The following CYP2W1 variants were observed in gnomAD, a reference collection of about 807,000 sequenced individuals.
The protein encoded by CYP2W1 is cytochrome P450 2W1.
Under a neutral mutation model 44.9 loss-of-function variants are expected in CYP2W1, and 51 were observed. The ratio of observed to expected loss-of-function variants is 1.14; its 90% confidence interval spans 0.91 to 1.43. The LOEUF is 1.43. Among genes scored for constraint, CYP2W1 ranks in the 40% most tolerant of loss-of-function variants. CYP2W1 has a pLI of 0.00. For missense variants in CYP2W1, 746 were observed against 700.0 expected (o/e 1.07, Z -0.74); for synonymous variants, 383 against 338.3 (o/e 1.13, Z -1.45).
rs541577197 is a variant in CYP2W1, at chr7:985,383, A to G, written c.645+60A>G. The G allele has an allele frequency of 4.5e-4, 690 of 1,520,842 alleles. 4 individuals are homozygous for G. In the African/African-American group the frequency reaches 8.6e-3, roughly 19 times the overall value. 94.2% of individuals were successfully genotyped at this position (1,520,842 alleles called of 1,614,324 possible). A position where few individuals can be genotyped will look rare whatever the true frequency, so the allele number is the denominator to read the frequency against. ...GAGCCTGGAGTGATGGGCGTGCAGC[A>G]GGAGGACGGGGGCCCCAGTGCTGTC... On this transcript the variant is annotated intron_variant, in intron 4 of 8. Transcript: ENST00000308919.
At chr7:984,218 C>G (rs1313544193) in intron 1 of CYP2W1, among the ~76,000 whole-genome samples, 194 bp from the exon 2 acceptor site, 1 of 152,218 alleles carries the variant, frequency 6.6e-6, no homozygotes, top group Non-Finnish European at 1.5e-5. Flanking sequence ...GGCGAGAGGG[C>G]TCTGTGGGCT....
At chr7:987,801 C>T (rs1049713944) in intron 7 of CYP2W1, among the ~76,000 whole-genome samples, 4 of 151,718 alleles carry the variant, frequency 2.6e-5, no homozygotes, top group African/African-American at 4.8e-5. Context: ...GTCCATGTGT[C>T]CTAGGCGATC....
Position 988,677 on chromosome 7 carries a change from T to G in CYP2W1, c.1328T>G (p.Leu443Arg). 6.2e-7 allele frequency: 1 copy of G among 1,600,246 alleles called. No homozygotes were observed. ...GGGGAGCGCCTGGCCAGGACCGAGC[T>G]CTTCCTGCTGTTTGCCGGCCTCCTG... is the stretch of plus-strand genomic sequence containing the variant. ...CVGERLARTE[L>R]FLLFAGLLQR... is the part of the protein sequence containing the mutation. The change falls in exon 9 of 9, where the codon CTC becomes CGC. Residue 443 changes from leucine (L) to arginine (R), a missense_variant. Coordinates refer to ENST00000308919, the MANE Select transcript of CYP2W1 (RefSeq NM_017781.3).
At chr7:987,030 C>T in intron 5 of CYP2W1, 77 bp from the exon 6 acceptor site, 1 of 1,426,216 alleles carries the variant, frequency 7.0e-7, no homozygotes, top group South Asian at 1.5e-5. Flanking sequence ...CATAGTGGAG[C>T]CCAGGGCTGG....
chr7:985,132 G>A (rs1221541358), intron 3 of CYP2W1, 33 bp downstream of exon 3: 2 of 1,601,938 alleles, frequency 1.2e-6, no homozygotes, highest in African/African-American at 1.3e-5. Context: ...CCCTCCCCGG[G>A]CCTGGACGTG....
In CYP2W1 at chr7:986,601, C is replaced by T. The variant is rs139494522; in HGVS notation, c.646-23C>T. The T allele has an allele frequency of 2.8e-4, 444 of 1,611,764 alleles. 3 individuals carry two copies. In the African/African-American group the frequency reaches 5.2e-3, roughly 19 times the overall value. ...AGCCCTGGGGCTGCGTCCTTATCTC[C>T]GCTCCTCCTGCCTCCTGCCCAGCTG... On this transcript the variant is annotated intron_variant, in intron 4 of 8. Coordinates refer to ENST00000308919, the MANE Select transcript of CYP2W1 (RefSeq NM_017781.3).
In CYP2W1 at chr7:988,823, G is replaced by A; in HGVS notation, c.*1G>A. The A allele has an allele frequency of 6.5e-7, 1 of 1,546,706 alleles. No individual in the cohort carries two copies. The highest frequency in any genetic ancestry group is 8.7e-7 in the Non-Finnish European group (1 of 1,147,098). On this transcript the variant is annotated 3_prime_UTR_variant, in exon 9 of 9. Transcript: ENST00000308919. ...CCTGTGTGCGGTGCCCAGGCCCTAGGAGCTCCCCCAGCCCCCAGGTCCTCC... is the reference window on the plus strand; with the variant it reads ...CCTGTGTGCGGTGCCCAGGCCCTAGAAGCTCCCCCAGCCCCCAGGTCCTCC...
intron 4 of CYP2W1, 35 bp from the exon 5 acceptor site, chr7:986,589 C>T (rs528836318): frequency 6.2e-6 from 10 of 1,609,052 alleles, no homozygotes; most frequent in Admixed American, 1.7e-5. Context: ...CCTGGGGCTG[C>T]GTCCTTATCT....
Position 984,421 on chromosome 7 carries a change from C to CCG in CYP2W1, c.184_185insCG (p.Arg62ProfsTer19). ...CCGCCATCCCTGCCAGCTCTCAGAACGCTACGGGCCGGTGTTCACCGTGCA... is the reference window on the plus strand; with the variant it reads ...CCGCCATCCCTGCCAGCTCTCAGAACCGGCTACGGGCCGGTGTTCACCGTGCA... On this transcript the variant is annotated frameshift_variant, in exon 2 of 9. Transcript: ENST00000308919. LOFTEE classifies it high-confidence loss of function. The CCG allele has an allele frequency of 6.5e-7, 1 of 1,547,900 alleles. No individual in the cohort carries two copies. Among genetic ancestry groups the CCG allele is most frequent in the Non-Finnish European group, 8.7e-7 (1 of 1,146,786 alleles).
chr7:985,646 C>T (rs929179442), intron 4 of CYP2W1, among the ~76,000 whole-genome samples: 12 of 152,304 alleles, frequency 7.9e-5, no homozygotes, highest in African/African-American at 2.6e-4. Flanking sequence ...TGTCTGCCCC[C>T]CAAGCCCTGA....
At chr7:988,447 C>T (rs749979355) in intron 8 of CYP2W1, 29 bp downstream of exon 8, 49 of 1,611,160 alleles carry the variant, frequency 3.0e-5, no homozygotes, top group East Asian at 4.5e-5. Context: ...CGGGGTGGGG[C>T]GGCACCTCCA....
At position 988,355 on chromosome 7, in the gene CYP2W1, G is replaced by A. The variant is rs374675851; in HGVS notation, c.1222G>A (p.Gly408Ser). 9 of 1,612,552 alleles carry A rather than the reference G, an allele frequency of 5.6e-6. No individual in the cohort carries two copies. The highest frequency in any genetic ancestry group is 5.5e-5 in the South Asian group (5 of 91,090). ...GCAGACCCCAGGCCAGTTCAACCCC[G>A]GCCATTTCCTGGACGCGAATGGGCA... The part of the protein sequence containing the change: ...QWQTPGQFNP[G>S]HFLDANGHFV... Residue 408 changes from glycine to serine, a missense_variant, in exon 8 of 9, where the codon GGC (glycine) becomes AGC (serine). Coordinates refer to ENST00000308919, the MANE Select transcript of CYP2W1 (RefSeq NM_017781.3).
chr7:985,463 T>G lies in CYP2W1; in HGVS notation c.645+140T>G, dbSNP rs1037902863. The G allele has an allele frequency of 1.0e-5, 10 of 1,000,954 alleles. 1 individual carries two copies. In the South Asian group the frequency reaches 1.3e-4, roughly 13 times the overall value. The allele number at this position is 1,000,954 out of a possible 1,614,324, so 62.0% of individuals were successfully genotyped here. A position where few individuals can be genotyped will look rare whatever the true frequency, so the allele number is the denominator to read the frequency against. ...GCAAAAGGAATCAGATGCAAGGGCC[T>G]GAATCAGGACCCATCCGACGTTAGC... On this transcript the variant is annotated intron_variant, in intron 4 of 8. Transcript: ENST00000308919.
At chr7:984,280 A>G (rs1848149570) in intron 1 of CYP2W1, 132 bp from the exon 2 acceptor site, 1 of 1,214,452 alleles carries the variant, frequency 8.2e-7, no homozygotes, top group Non-Finnish European at 1.1e-6. Flanking sequence ...TATGGCATCT[A>G]GGCGTGCCCC....
chr7:988,638 G>T lies in CYP2W1; in HGVS notation c.1289G>T (p.Arg430Leu). The T allele has an allele frequency of 6.2e-7, 1 of 1,602,206 alleles. No individual in the cohort carries two copies. ...REAFLPFSAGRRVCVGERLAR... is the reference protein window; with the variant it reads ...REAFLPFSAGLRVCVGERLAR... ...TGTGCCTGGACATCCCCCGCAGGCCGCCGCGTCTGTGTTGGGGAGCGCCTG... is the reference window on the plus strand; with the variant it reads ...TGTGCCTGGACATCCCCCGCAGGCCTCCGCGTCTGTGTTGGGGAGCGCCTG... The change falls in exon 9 of 9, where the codon CGC becomes CTC. Residue 430 changes from arginine (R) to leucine (L), a missense_variant. By Grantham distance (102) the Arg-to-Leu change is moderately radical. Coordinates refer to ENST00000308919, the MANE Select transcript of CYP2W1 (RefSeq NM_017781.3).
At chr7:988,092 G>A (rs1431854376) in intron 7 of CYP2W1, among the ~76,000 whole-genome samples, 185 bp from the exon 8 acceptor site, 1 of 151,896 alleles carries the variant, frequency 6.6e-6, no homozygotes, top group African/African-American at 2.4e-5. Context: ...CTATCCTTGG[G>A]GCCCCTGGCT....
chr7:986,998 GAGCCCAGATCACCGGGGCA>G, intron 5 of CYP2W1, 90 bp from the exon 6 acceptor site: 1 of 1,387,798 alleles, frequency 7.2e-7, no homozygotes, highest in African/African-American at 1.5e-5. Context: ...AGGGATGGCT[GAGCCCAGATCACCGGGGCA>G]TCCATAGTGG....
intron 4 of CYP2W1, among the ~76,000 whole-genome samples, chr7:985,557 C>T (rs766554359): frequency 2.6e-5 from 4 of 152,226 alleles, no homozygotes; most frequent in Non-Finnish European, 4.4e-5. Context: ...CCCCCACGCC[C>T]TCATCAGTAA....
Position 986,649 on chromosome 7 carries a change from G to C in CYP2W1, c.671G>C (p.Gly224Ala). The C allele has an allele frequency of 1.2e-6, 2 of 1,612,676 alleles. No homozygotes were observed. The highest frequency in any genetic ancestry group is 1.7e-6 in the Non-Finnish European group (2 of 1,179,876). The change falls in exon 5 of 9, where the codon GGG becomes GCG. Residue 224 changes from glycine to alanine, a missense_variant. Coordinates refer to ENST00000308919, the MANE Select transcript of CYP2W1 (RefSeq NM_017781.3). ...CTGTTCAACGTCTACCCATGGCTCG[G>C]GGCCCTGCTCCAGCTGCACCGGCCC... ...LQLFNVYPWL[G>A]ALLQLHRPVL...
Sources: allele counts gnomAD v4.1 joint callset (sites outside exome capture counted in the v4.1 genomes callset), GRCh38; gene constraint gnomAD v4.1.1; transcripts MANE v1.5; gene names NCBI Gene and HGNC (gene_info 2026-07-23, HGNC 2026-07-21).